EHBP1: variants seen among roughly 807,000 people sequenced by gnomAD.
The protein encoded by EHBP1 is EH domain-binding protein 1.
A neutral mutation model predicts 144.0 loss-of-function variants in EHBP1; 55 were observed. The observed-to-expected ratio is 0.38, with a 90% confidence interval of 0.31 to 0.48. The LOEUF is 0.48. EHBP1 is among the 20% of genes least tolerant of loss of function. The pLI is 0.98. For synonymous variants in EHBP1, 469 were observed against 472.7 expected (o/e 0.99, Z 0.10); for missense variants, 1,200 against 1,364.2 (o/e 0.88, Z 1.90).
chr2:62,822,167 G>C (rs538627917), intron 5 of EHBP1, among the ~76,000 whole-genome samples: 1 of 152,132 alleles, frequency 6.6e-6, no homozygotes, highest in African/African-American at 2.4e-5. Context: ...TTTATAATCA[G>C]TTCATTTCTT....
chr2:62,760,947 G>A (rs1288872533), intron 3 of EHBP1, among the ~76,000 whole-genome samples: 2 of 152,134 alleles, frequency 1.3e-5, no homozygotes, highest in African/African-American at 2.4e-5. Context: ...TTCTGCTGGG[G>A]ATGATTAGAA....
At chr2:62,941,770 A>G (rs943960271) in intron 10 of EHBP1, among the ~76,000 whole-genome samples, 9 of 152,124 alleles carry the variant, frequency 5.9e-5, no homozygotes, top group African/African-American at 1.9e-4. Flanking sequence ...AAGGTTTCTT[A>G]TAATAGCTAG....
chr2:62,811,447 A>G (rs912291408), intron 5 of EHBP1, among the ~76,000 whole-genome samples: 3 of 152,230 alleles, frequency 2.0e-5, no homozygotes, highest in Admixed American at 6.5e-5. Context: ...TGTTTAACTT[A>G]TAGATTGTCT....
intron 3 of EHBP1, among the ~76,000 whole-genome samples, chr2:62,753,578 T>C (rs945322043): frequency 2.6e-5 from 4 of 152,184 alleles, no homozygotes; most frequent in Admixed American, 2.6e-4. Context: ...GTTCTCCTGG[T>C]TAATATCCTG....
chr2:62,839,263 C>T (rs1233843085), intron 7 of EHBP1, among the ~76,000 whole-genome samples: 1 of 152,026 alleles, frequency 6.6e-6, no homozygotes, highest in South Asian at 2.1e-4. Context: ...TCAATAGATG[C>T]GGAAAAAGCC....
chr2:62,724,575 G>C (rs1431462732), intron 2 of EHBP1, among the ~76,000 whole-genome samples: 3 of 151,922 alleles, frequency 2.0e-5, no homozygotes, highest in African/African-American at 7.3e-5. Context: ...GAGTTCTTTT[G>C]TTGGTCCTTT....
chr2:62,936,913 A>G (rs989514218), intron 10 of EHBP1, among the ~76,000 whole-genome samples: 1 of 152,184 alleles, frequency 6.6e-6, no homozygotes, highest in African/African-American at 2.4e-5. Context: ...ATAACTGGGG[A>G]AAGTCTCCAA....
At chr2:62,943,011 C>A in intron 11 of EHBP1, 115 bp downstream of exon 11, 1 of 763,632 alleles carries the variant, frequency 1.3e-6, no homozygotes, top group Non-Finnish European at 2.0e-6. Context: ...TTTATTACCC[C>A]ACCTCTTGCT....
At chr2:62,893,575 G>C (rs926793071) in intron 10 of EHBP1, among the ~76,000 whole-genome samples, 9 of 152,170 alleles carry the variant, frequency 5.9e-5, no homozygotes, top group African/African-American at 1.7e-4. Flanking sequence ...ATATTCCTAA[G>C]AAATGTTTAT....
chr2:62,974,839 C>G (rs1023612715), intron 14 of EHBP1, among the ~76,000 whole-genome samples: 1 of 152,034 alleles, frequency 6.6e-6, no homozygotes, highest in East Asian at 1.9e-4. Flanking sequence ...CCCCTTGCAA[C>G]TAAAAGTAGT....
At chr2:62,877,315 A>G (rs2050970442) in intron 10 of EHBP1, among the ~76,000 whole-genome samples, 1 of 152,238 alleles carries the variant, frequency 6.6e-6, no homozygotes, top group African/African-American at 2.4e-5. Context: ...AGCTATCCTA[A>G]ATAATATGCA....
At chr2:62,961,071 G>A (rs994288860) in intron 14 of EHBP1, among the ~76,000 whole-genome samples, 1 of 152,136 alleles carries the variant, frequency 6.6e-6, no homozygotes, top group Non-Finnish European at 1.5e-5. Flanking sequence ...CTGCTAGCCT[G>A]GAAAGCTGTT....
chr2:62,893,222 A>G (rs187134495), intron 10 of EHBP1, among the ~76,000 whole-genome samples: 2 of 152,354 alleles, frequency 1.3e-5, no homozygotes, highest in Non-Finnish European at 2.9e-5. Context: ...CACATATTAT[A>G]TAGTTCAAAA....
intron 15 of EHBP1, among the ~76,000 whole-genome samples, chr2:62,982,669 G>A (rs944393106): frequency 3.9e-5 from 6 of 152,134 alleles, no homozygotes; most frequent in Non-Finnish European, 8.8e-5. Context: ...GAAGATTTTC[G>A]AAGCAGTAGT....
At chr2:62,959,412 A>G (rs1463022679) in intron 14 of EHBP1, among the ~76,000 whole-genome samples, 3 of 152,198 alleles carry the variant, frequency 2.0e-5, no homozygotes, top group African/African-American at 7.2e-5. Flanking sequence ...TTGCTGGATC[A>G]TATGGTAGTT....
intron 15 of EHBP1, among the ~76,000 whole-genome samples, chr2:62,980,108 C>T (rs998045860): frequency 6.6e-6 from 1 of 152,096 alleles, no homozygotes; most frequent in Non-Finnish European, 1.5e-5. Flanking sequence ...AGTGAAGACT[C>T]GAATAAGACC....
At chr2:63,038,962 G>A in intron 21 of EHBP1, 146 bp downstream of exon 21, 2 of 637,004 alleles carry the variant, frequency 3.1e-6, no homozygotes, top group Non-Finnish European at 5.4e-6. Context: ...GCAGAAAGCA[G>A]TATCCATATA....
Position 62,798,296 on chromosome 2 carries a change from G to A in EHBP1, c.312+26904G>A, listed in dbSNP as rs185945496. On this transcript the variant is annotated intron_variant, in intron 5 of 22. Coordinates refer to ENST00000431489, the MANE Select transcript of EHBP1 (RefSeq NM_001142616.3). Reference sequence around the variant, plus strand: ...AGCACGAGAATCGCTTGAACCCAAGGGGCAGAGGTTGCAGTGAGCTGGGGT... The same window carrying A: ...AGCACGAGAATCGCTTGAACCCAAGAGGCAGAGGTTGCAGTGAGCTGGGGT... Among the ~76,000 whole-genome samples, 76 of 152,182 alleles carry A rather than the reference G, an allele frequency of 5.0e-4. 1 individual carries two copies. The highest frequency in any genetic ancestry group is 2.1e-4 in the South Asian group (1 of 4,822).
At chr2:62,979,662 A>G (rs2090536392) in intron 15 of EHBP1, among the ~76,000 whole-genome samples, 1 of 152,192 alleles carries the variant, frequency 6.6e-6, no homozygotes, top group Non-Finnish European at 1.5e-5. Context: ...TTGAATCCCT[A>G]ACATCTAAAT....
Sources: allele counts gnomAD v4.1 joint callset (sites outside exome capture counted in the v4.1 genomes callset), GRCh38; gene constraint gnomAD v4.1.1; transcripts MANE v1.5; gene names NCBI Gene and HGNC (gene_info 2026-07-23, HGNC 2026-07-21).